The following TRABD2A variants were observed in gnomAD, a reference collection of about 807,000 sequenced individuals.
The protein encoded by TRABD2A is TraB domain containing 2A.
In TRABD2A, 43 loss-of-function variants were observed where a neutral mutation model predicts 45.6. That is an observed-to-expected ratio of 0.94 (90% CI 0.74 to 1.22). The LOEUF is 1.22. Ranked by LOEUF, TRABD2A falls within the 50% of genes most tolerant of loss-of-function variation. The pLI is 0.00. For synonymous variants in TRABD2A, 269 were observed against 265.0 expected (o/e 1.02, Z -0.15); for missense variants, 642 against 652.4 (o/e 0.98, Z 0.17).
chr2:84,878,683 C>A (rs1044108017), intron 1 of TRABD2A, among the ~76,000 whole-genome samples: 1 of 152,152 alleles, frequency 6.6e-6, no homozygotes, highest in Non-Finnish European at 1.5e-5. Flanking sequence ...ATTAACCAAC[C>A]ATGAAAACCA....
At position 84,824,208 on chromosome 2, in the gene TRABD2A, T is replaced by C; in HGVS notation, c.1083-4A>G. 1 of 1,613,696 alleles carries C rather than the reference T, an allele frequency of 6.2e-7. No homozygotes were observed. Among genetic ancestry groups the C allele is most frequent in the Non-Finnish European group, 8.5e-7 (1 of 1,179,796 alleles). On this transcript the variant is annotated splice_polypyrimidine_tract_variant and splice_region_variant and intron_variant, in intron 5 of 6. Transcript: ENST00000409520. Reference sequence around the variant, plus strand: ...GGAGGTCTTTTTACTCTTCCCTCTGTACGCAAGTGGAAGGAGAAGGTATTT... The same window carrying C: ...GGAGGTCTTTTTACTCTTCCCTCTGCACGCAAGTGGAAGGAGAAGGTATTT...
intron 1 of TRABD2A, among the ~76,000 whole-genome samples, chr2:84,880,086 C>T (rs1481827415): frequency 6.6e-6 from 1 of 151,898 alleles, no homozygotes; most frequent in African/African-American, 2.4e-5. Context: ...TCAAACCCAC[C>T]GGAACAAATG....
At chr2:84,831,956 G>C in intron 5 of TRABD2A, 99 bp downstream of exon 5, 1 of 1,179,566 alleles carries the variant, frequency 8.5e-7, no homozygotes, top group Non-Finnish European at 1.3e-6. Flanking sequence ...CGAGGCAGGG[G>C]TTCTCTGGAG....
At chr2:84,868,416 T>A (rs201566841) in intron 2 of TRABD2A, among the ~76,000 whole-genome samples, 1 of 119,972 alleles carries the variant, frequency 8.3e-6, no homozygotes, top group East Asian at 2.9e-4. Context: ...AAGGGGAACA[T>A]CACACACCAG....
chr2:84,854,626 G>C (rs7602976), intron 2 of TRABD2A, among the ~76,000 whole-genome samples: 41,711 of 151,976 alleles, frequency 0.27, 6,321 homozygotes, highest in African/African-American at 0.4. Flanking sequence ...CAATAGGCAG[G>C]AAGACTGGCC....
chr2:84,839,717 T>A (rs899511604), intron 3 of TRABD2A, among the ~76,000 whole-genome samples: 1 of 152,262 alleles, frequency 6.6e-6, no homozygotes, highest in Admixed American at 6.5e-5. Flanking sequence ...TATTTTAGAT[T>A]CTATTACCGA....
intron 3 of TRABD2A, 79 bp from the exon 4 acceptor site, chr2:84,839,402 C>G (rs1296319720): frequency 1.5e-6 from 2 of 1,372,698 alleles, no homozygotes; most frequent in Non-Finnish European, 9.9e-7. Flanking sequence ...CATCAAATCC[C>G]CCAACCTAGA....
chr2:84,828,624 C>A (rs1359807938), intron 5 of TRABD2A, among the ~76,000 whole-genome samples: 2 of 152,176 alleles, frequency 1.3e-5, no homozygotes, highest in African/African-American at 4.8e-5. Flanking sequence ...TGCACGTTCA[C>A]CCCTAAAACC....
chr2:84,854,899 T>C (rs17025653), intron 2 of TRABD2A, among the ~76,000 whole-genome samples: 31,601 of 152,002 alleles, frequency 0.21, 3,576 homozygotes, highest in African/African-American at 0.28. Context: ...AAACCATCCT[T>C]GGATTACAGA....
intron 4 of TRABD2A, chr2:84,837,548 G>A (rs1681559155): frequency 6.6e-6 from 1 of 152,206 alleles, no homozygotes; most frequent in Admixed American, 6.5e-5. Context: ...TTTGTGTAGT[G>A]ATTTTCTAGG....
intron 3 of TRABD2A, among the ~76,000 whole-genome samples, chr2:84,840,646 TTAAC>T (rs1258465943): frequency 1.3e-5 from 2 of 152,324 alleles, no homozygotes; most frequent in African/African-American, 4.8e-5. Context: ...TCCGCCCACA[TTAAC>T]TTTTTTCTGC....
chr2:84,835,527 C>T (rs1025462234), intron 4 of TRABD2A: 12 of 152,210 alleles, frequency 7.9e-5, no homozygotes, highest in Non-Finnish European at 1.8e-4. Context: ...GATCCTCCCA[C>T]CTCAGCTTCC....
intron 1 of TRABD2A, chr2:84,879,591 A>T (rs1573961991): frequency 1.0e-6 from 1 of 985,030 alleles, no homozygotes; most frequent in African/African-American, 1.7e-5. Context: ...ATCCAGACTC[A>T]CTCGTCATAA....
intron 2 of TRABD2A, among the ~76,000 whole-genome samples, chr2:84,861,435 C>T (rs775200542): frequency 6.6e-6 from 1 of 152,068 alleles, no homozygotes; most frequent in South Asian, 2.1e-4. Context: ...ACCTAGATCT[C>T]GCATGCACAG....
At chr2:84,826,659 A>G (rs963901303) in intron 5 of TRABD2A, among the ~76,000 whole-genome samples, 2 of 152,098 alleles carry the variant, frequency 1.3e-5, no homozygotes, top group Admixed American at 6.5e-5. Context: ...AGCCTCCCAA[A>G]TAGCTGGGAT....
chr2:84,856,653 T>C (rs1559093457), intron 2 of TRABD2A, among the ~76,000 whole-genome samples: 1 of 152,126 alleles, frequency 6.6e-6, no homozygotes, highest in Non-Finnish European at 1.5e-5. Flanking sequence ...CCTGGAAGAA[T>C]GCACATGGCC....
chr2:84,876,479 T>A (rs1233466955), intron 1 of TRABD2A, among the ~76,000 whole-genome samples: 1 of 152,174 alleles, frequency 6.6e-6, no homozygotes, highest in African/African-American at 2.4e-5. Context: ...GGGTTAAATG[T>A]GGATGGTAGG....
At chr2:84,824,783 C>A (rs955146195) in intron 5 of TRABD2A, among the ~76,000 whole-genome samples, 7 of 152,104 alleles carry the variant, frequency 4.6e-5, no homozygotes, top group Admixed American at 1.3e-4. Context: ...TAGCTCTTAA[C>A]CCTCTTAACA....
At chr2:84,854,493 A>G (rs1470281715) in intron 2 of TRABD2A, among the ~76,000 whole-genome samples, 1 of 152,248 alleles carries the variant, frequency 6.6e-6, no homozygotes. Context: ...AAACAGACTC[A>G]GAAAGGTTCA....
Sources: gnomAD v4.1 joint callset for allele counts (sites outside exome capture counted in the v4.1 genomes callset) on GRCh38, gnomAD v4.1.1 for gene constraint, MANE v1.5 for transcripts, NCBI Gene and HGNC (gene_info 2026-07-23, HGNC 2026-07-21) for gene names.